Variants in BTNL8 observed in about 807,000 individuals in gnomAD.
The protein encoded by BTNL8 is butyrophilin like 8, also known as butyrophilin-like protein 8.
BTNL8 carries 22 observed loss-of-function variants against 36.1 expected under a neutral mutation model. The observed-to-expected ratio is 0.61, with a 90% CI of 0.44 to 0.87. BTNL8 has a LOEUF of 0.87. Among genes scored for constraint, BTNL8 ranks in the 40% least tolerant of loss-of-function variants. The probability of loss-of-function intolerance (pLI) is 0.00; values close to 1 mark genes in which losing one functional copy is unlikely to be tolerated. For missense variants in BTNL8, 526 were observed against 616.9 expected, an observed-to-expected ratio of 0.85 and a Z score of 1.56; for synonymous variants, 203 against 235.6, an observed-to-expected ratio of 0.86 and a Z score of 1.27.
At chr5:180,920,580 A>G (rs1757818444) in intron 3 of BTNL8, among the ~76,000 whole-genome samples, 1 of 152,148 alleles carries the variant, frequency 6.6e-6, no homozygotes. Flanking sequence ...AATGAAAGCA[A>G]AAATGAACAA....
intron 3 of BTNL8, among the ~76,000 whole-genome samples, chr5:180,918,048 T>G (rs1426567664): frequency 5.8e-5 from 8 of 138,304 alleles, no homozygotes; most frequent in South Asian, 2.3e-4. Flanking sequence ...AAAAAAGAAA[T>G]AAACAAAGAA....
intron 2 of BTNL8, 35 bp downstream of exon 2, chr5:180,908,968 A>G (rs920837997): frequency 1.9e-6 from 3 of 1,579,200 alleles, no homozygotes; most frequent in Admixed American, 1.8e-5. Flanking sequence ...GTTGTCCCAA[A>G]GAACCATCCT....
chr5:180,902,316 TAA>T, intron 1 of BTNL8: 1 of 1,534,862 alleles, frequency 6.5e-7, no homozygotes, highest in Non-Finnish European at 8.8e-7. Context: ...ATCTTAAAAA[TAA>T]AAACATTAAT....
chr5:180,930,431 T>G (rs1199212092), intron 3 of BTNL8, among the ~76,000 whole-genome samples: 1 of 152,166 alleles, frequency 6.6e-6, no homozygotes, highest in African/African-American at 2.4e-5. Flanking sequence ...ACCACTCCTA[T>G]TCAACATAGT....
chr5:180,948,065 G>C (rs1759361463), intron 4 of BTNL8: 2 of 644,342 alleles, frequency 3.1e-6, no homozygotes, highest in South Asian at 4.0e-5. Context: ...TCCCCTTGGG[G>C]GTGAGGCCAC....
intron 3 of BTNL8, among the ~76,000 whole-genome samples, chr5:180,938,979 G>C (rs1214250970): frequency 6.6e-6 from 1 of 152,044 alleles, no homozygotes; most frequent in Non-Finnish European, 1.5e-5. Flanking sequence ...TGTCTGGAAG[G>C]GAAAGGATGA....
intron 3 of BTNL8, among the ~76,000 whole-genome samples, chr5:180,918,599 C>T (rs1757744324): frequency 6.6e-6 from 1 of 152,140 alleles, no homozygotes; most frequent in South Asian, 2.1e-4. Flanking sequence ...ATGTGAGTGA[C>T]CAAAGCCCAA....
intron 3 of BTNL8, among the ~76,000 whole-genome samples, chr5:180,912,124 C>T (rs1396849218): frequency 6.6e-6 from 1 of 152,190 alleles, no homozygotes; most frequent in Non-Finnish European, 1.5e-5. Flanking sequence ...TCTTCCTGGC[C>T]TCAGAGCAGG....
rs1758344366 is a variant in BTNL8 at position 180,930,919 on chromosome 5, T to A, written c.674-16593T>A. Among the ~76,000 whole-genome samples the A allele has an allele frequency of 2.6e-5, 4 of 152,152 alleles. No individual in the cohort carries two copies. In the South Asian group the frequency reaches 8.3e-4, roughly 32 times the overall value. ...ATTTATAGATTCAATGCTATCCCCA[T>A]CAAGCTACCACTGACTTTCTTCACA... is the stretch of plus-strand genomic sequence containing the variant. On this transcript the variant is annotated intron_variant, in intron 3 of 7. Coordinates refer to ENST00000340184, the MANE Select transcript of BTNL8 (RefSeq NM_001040462.3).
rs1322798667 is a variant in BTNL8, at chr5:180,909,606, G to A, written c.397+673G>A. 5.1e-6 allele frequency: 5 copies of A among 983,826 alleles called. No individual in the cohort carries two copies. In the Admixed American group the frequency reaches 1.8e-4, roughly 36 times the overall value. The allele number at this position is 983,826 out of a possible 1,614,324, so 60.9% of individuals were successfully genotyped here. On this transcript the variant is annotated intron_variant, in intron 2 of 7. Transcript: ENST00000340184. ...TGAAATGTATTTGACGGGGCTGGGT[G>A]CAGTGGCTCAAGCCCGTAATCCCAA...
At chr5:180,918,617 T>G (rs1172410223) in intron 3 of BTNL8, among the ~76,000 whole-genome samples, 2 of 152,198 alleles carry the variant, frequency 1.3e-5, no homozygotes, top group Non-Finnish European at 2.9e-5. Context: ...CAAGGCATAG[T>G]CTCAACAAGT....
At chr5:180,937,436 T>C (rs187803132) in intron 3 of BTNL8, among the ~76,000 whole-genome samples, 1 of 152,156 alleles carries the variant, frequency 6.6e-6, no homozygotes, top group Non-Finnish European at 1.5e-5. Context: ...ATTATTAATA[T>C]AATACAGCAC....
intron 3 of BTNL8, among the ~76,000 whole-genome samples, chr5:180,913,863 A>G (rs1484141378): frequency 6.6e-6 from 1 of 152,194 alleles, no homozygotes; most frequent in African/African-American, 2.4e-5. Flanking sequence ...AAGACTGAAC[A>G]CTTAATCATG....
In BTNL8 at chr5:180,947,492, T is replaced by A. The variant is rs1190313024; in HGVS notation, c.674-20T>A. 3 of 1,610,416 alleles carry A rather than the reference T, an allele frequency of 1.9e-6. No individual in the cohort carries two copies. Among genetic ancestry groups the A allele is most frequent in the African/African-American group, 2.7e-5 (2 of 74,768 alleles). ...CTTTTGTTCACCAATAACTAAAATG[T>A]CTGTGGGATTGTTTTTCAGATACCT... On this transcript the variant is annotated intron_variant, in intron 3 of 7. Coordinates refer to ENST00000340184, the MANE Select transcript of BTNL8 (RefSeq NM_001040462.3).
At position 180,925,311 on chromosome 5, in the gene BTNL8, T is replaced by C. The variant is rs147943115; in HGVS notation, c.673+13697T>C. Among the ~76,000 whole-genome samples the C allele has an allele frequency of 2.4e-4, 36 of 152,260 alleles. No individual in the cohort carries two copies. In the East Asian group the frequency reaches 6.6e-3, roughly 28 times the overall value. On this transcript the variant is annotated intron_variant, in intron 3 of 7. Coordinates refer to ENST00000340184, the MANE Select transcript of BTNL8 (RefSeq NM_001040462.3). ...CCAGGTTCAGGAAGCTTGGATGTCATCAATCAAATTCAACCCAAAGAGGAT... is the reference window on the plus strand; with the variant it reads ...CCAGGTTCAGGAAGCTTGGATGTCACCAATCAAATTCAACCCAAAGAGGAT...
intron 1 of BTNL8, 51 bp from the exon 2 acceptor site, chr5:180,908,535 C>A: frequency 6.4e-7 from 1 of 1,568,734 alleles, no homozygotes. Context: ...TGGCTCCTCC[C>A]CCTCACTACA....
At chr5:180,906,563 T>C (rs1757096141) in intron 1 of BTNL8, among the ~76,000 whole-genome samples, 1 of 124,870 alleles carries the variant, frequency 8.0e-6, no homozygotes, top group South Asian at 2.2e-4. Context: ...GATCCTGTCA[T>C]TATGATGTTA....
intron 3 of BTNL8, among the ~76,000 whole-genome samples, chr5:180,916,532 GTTGT>G (rs1364543587): frequency 1.3e-5 from 2 of 151,968 alleles, no homozygotes; most frequent in Admixed American, 6.6e-5. Context: ...AAAACTAAAT[GTTGT>G]TTATTTGAAA....
At chr5:180,947,959 G>A in intron 4 of BTNL8, 2 of 753,598 alleles carry the variant, frequency 2.7e-6, no homozygotes, top group Non-Finnish European at 2.1e-6. Context: ...CATAAAGGAG[G>A]AAGCAAAAGT....
Sources: gnomAD v4.1 joint callset for allele counts (sites outside exome capture counted in the v4.1 genomes callset) on GRCh38, gnomAD v4.1.1 for gene constraint, MANE v1.5 for transcripts, NCBI Gene and HGNC (gene_info 2026-07-23, HGNC 2026-07-21) for gene names.